The following STRN3 variants were observed in gnomAD, a reference collection of about 807,000 sequenced individuals.
The protein encoded by STRN3 is striatin-3.
STRN3 carries 29 observed loss-of-function variants against 95.6 expected under a neutral mutation model. The ratio of observed to expected loss-of-function variants is 0.30; its 90% CI spans 0.23 to 0.41. STRN3 has a LOEUF of 0.41. STRN3 is among the 10% of genes least tolerant of loss of function. The pLI is 1.00. For missense variants in STRN3, 890 were observed against 972.1 expected, an observed-to-expected ratio of 0.92 and a Z score of 1.12; for synonymous variants, 331 against 357.6, an observed-to-expected ratio of 0.93 and a Z score of 0.84.
intron 2 of STRN3, 36 bp downstream of exon 2, chr14:30,956,103 C>T (rs755360434): frequency 3.2e-6 from 5 of 1,563,470 alleles, no homozygotes; most frequent in South Asian, 1.1e-5. Flanking sequence ...TACTATTGTT[C>T]TACTTTATTC....
At chr14:31,001,539 C>G (rs1191152569) in intron 1 of STRN3, among the ~76,000 whole-genome samples, 1 of 149,650 alleles carries the variant, frequency 6.7e-6, no homozygotes, top group East Asian at 2.0e-4. Flanking sequence ...GAGACCCCAC[C>G]TAAAAAAAAA....
intron 5 of STRN3, among the ~76,000 whole-genome samples, chr14:30,940,591 T>TTTTA (rs1879045640): frequency 1.3e-5 from 2 of 152,226 alleles, no homozygotes; most frequent in African/African-American, 4.8e-5. Flanking sequence ...TAGAATTTCC[T>TTTTA]CTTAATTTTT....
intron 1 of STRN3, among the ~76,000 whole-genome samples, chr14:31,012,701 G>A (rs1405579768): frequency 1.3e-5 from 2 of 152,128 alleles, no homozygotes; most frequent in Non-Finnish European, 2.9e-5. Context: ...AGACCAGCCT[G>A]AGCAACATGG....
chr14:30,947,108 T>C lies in STRN3; in HGVS notation c.698A>G (p.Lys233Arg). The change falls in exon 5 of 18, where the codon AAG becomes AGG. Residue 233 changes from lysine to arginine, a missense_variant. Lys to Arg is a conservative substitution (Grantham distance 26). This residue lies in a region of STRN3 where 526 missense variants were observed against 526.3 expected (regional missense o/e 1.00). Transcript: ENST00000357479. ...ATCATACCTTTTTATTTCTTGTCCC[T>C]TTTGCTTAGGAGATTCACCTCCATT... Reference protein sequence around the residue: ...ILNGGESPKQKGQEIKRSSGD... With the variant: ...ILNGGESPKQRGQEIKRSSGD... The C allele has an allele frequency of 1.9e-6, 3 of 1,597,684 alleles. No homozygotes were observed. The highest frequency in any genetic ancestry group is 1.8e-5 in the Admixed American group (1 of 55,836).
At chr14:30,976,318 A>G (rs1335762771) in intron 1 of STRN3, among the ~76,000 whole-genome samples, 1 of 152,218 alleles carries the variant, frequency 6.6e-6, no homozygotes, top group African/African-American at 2.4e-5. Flanking sequence ...ATCCAGGATA[A>G]AGAGGGATAT....
chr14:31,013,586 A>G (rs1381650002), intron 1 of STRN3, among the ~76,000 whole-genome samples: 2 of 151,962 alleles, frequency 1.3e-5, no homozygotes, highest in African/African-American at 2.4e-5. Context: ...TTTGAACCAC[A>G]TATTACTTAT....
At chr14:31,002,058 C>CA (rs1882477879) in intron 1 of STRN3, among the ~76,000 whole-genome samples, 1 of 149,508 alleles carries the variant, frequency 6.7e-6, no homozygotes, top group Admixed American at 6.8e-5. Context: ...CCTAGCTACT[C>CA]GGGAGGCTGA....
At chr14:30,900,128 T>G (rs934336276) in intron 16 of STRN3, among the ~76,000 whole-genome samples, 1 of 151,864 alleles carries the variant, frequency 6.6e-6, no homozygotes, top group African/African-American at 2.4e-5. Context: ...GAGGCCAAGG[T>G]GGGCGGATCA....
At chr14:30,936,923 A>C (rs1878851009) in intron 5 of STRN3, among the ~76,000 whole-genome samples, 1 of 152,238 alleles carries the variant, frequency 6.6e-6, no homozygotes, top group African/African-American at 2.4e-5. Flanking sequence ...AGTTCTCAAA[A>C]TAAAACCATC....
chr14:31,026,308 C>A lies in STRN3; in HGVS notation c.-123G>T. 1 of 1,085,834 alleles carries A rather than the reference C, an allele frequency of 9.2e-7. No individual in the cohort carries two copies. The highest frequency in any genetic ancestry group is 1.2e-6 in the Non-Finnish European group (1 of 828,052). 67.3% of individuals were successfully genotyped at this position (1,085,834 alleles called of 1,614,324 possible). A position where few individuals can be genotyped will look rare whatever the true frequency, so the allele number is the denominator to read the frequency against. On this transcript the variant is annotated 5_prime_UTR_variant, in exon 1 of 18. Transcript: ENST00000357479. ...GCCGGGAGAGGGGCGGGGAAGGGGT[C>A]GTTGCTGTGTGCCTGCCGTGGGTCA...
intron 16 of STRN3, among the ~76,000 whole-genome samples, chr14:30,898,754 A>T (rs567883709): frequency 3.9e-5 from 6 of 152,094 alleles, no homozygotes; most frequent in Admixed American, 3.3e-4. Flanking sequence ...ACTAATCCTA[A>T]TTTTTTCCTC....
At chr14:31,005,260 A>G (rs544153083) in intron 1 of STRN3, among the ~76,000 whole-genome samples, 3 of 152,274 alleles carry the variant, frequency 2.0e-5, no homozygotes, top group Admixed American at 2.0e-4. Flanking sequence ...TGAACCCAGG[A>G]GTCGGAAGTT....
At chr14:30,910,358 T>A (rs1896575666) in intron 13 of STRN3, among the ~76,000 whole-genome samples, 1 of 152,244 alleles carries the variant, frequency 6.6e-6, no homozygotes. Context: ...AGTCTAAATC[T>A]TATTTCTTGA....
At chr14:30,907,139 G>C in intron 13 of STRN3, 95 bp from the exon 14 acceptor site, 1 of 1,392,022 alleles carries the variant, frequency 7.2e-7, no homozygotes, top group Non-Finnish European at 9.7e-7. Flanking sequence ...TGAGCATAAA[G>C]AACACACATA....
intron 9 of STRN3, among the ~76,000 whole-genome samples, chr14:30,917,907 C>T (rs143284779): frequency 8.5e-5 from 13 of 152,052 alleles, no homozygotes; most frequent in African/African-American, 2.4e-4. Flanking sequence ...AATACATATG[C>T]CAAATTACTG....
Position 31,025,931 on chromosome 14 carries a change from G to T in STRN3, c.255C>A (p.His85Gln), listed in dbSNP as rs779726846. The T allele has an allele frequency of 6.2e-7, 1 of 1,601,112 alleles. No individual in the cohort carries two copies. Among genetic ancestry groups the T allele is most frequent in the South Asian group, 1.1e-5 (1 of 89,306 alleles). The change falls in exon 1 of 18, where the codon CAC becomes CAA. Residue 85 changes from histidine (H) to glutamine (Q), a missense_variant. His to Gln is a conservative substitution (Grantham distance 24). This residue lies in a region of STRN3 where 526 missense variants were observed against 526.3 expected (regional missense o/e 1.00). Transcript: ENST00000357479. ...GCAGTTCGGCCCGTTCCACCTCCCA[G>T]TGCGCCCGCTCCATCTCGAACCGAG... ...EWARFEMERA[H>Q]WEVERAELQA...
At chr14:30,949,485 C>T (rs1340787035) in intron 4 of STRN3, among the ~76,000 whole-genome samples, 3 of 152,086 alleles carry the variant, frequency 2.0e-5, no homozygotes, top group Non-Finnish European at 2.9e-5. Flanking sequence ...GTGGCATGCA[C>T]CTGTAGTCCC....
At chr14:31,014,775 CTTT>C (rs772182416) in intron 1 of STRN3, 1 of 432,076 alleles carries the variant, frequency 2.3e-6, no homozygotes, top group Non-Finnish European at 4.6e-6. Context: ...CTTTTTTAAC[CTTT>C]TTTTCTTTTT....
chr14:31,026,324 C>T lies in STRN3; in HGVS notation c.-139G>A, dbSNP rs1883929884. 2.1e-6 allele frequency: 2 copies of T among 938,002 alleles called. No individual in the cohort carries two copies. The highest frequency in any genetic ancestry group is 2.9e-6 in the Non-Finnish European group (2 of 691,520). The allele number at this position is 938,002 out of a possible 1,614,324, so 58.1% of individuals were successfully genotyped here. A position where few individuals can be genotyped will look rare whatever the true frequency, so the allele number is the denominator to read the frequency against. On this transcript the variant is annotated 5_prime_UTR_variant, in exon 1 of 18. Transcript: ENST00000357479. ...GGAAGGGGTCGTTGCTGTGTGCCTG[C>T]CGTGGGTCAGAGCAGGGAGCTGCCG...
Sources: gnomAD v4.1 joint callset for allele counts (sites outside exome capture counted in the v4.1 genomes callset) on GRCh38, gnomAD v4.1.1 for gene constraint, gnomAD v4.1.1 regional missense constraint, MANE v1.5 for transcripts, NCBI Gene and HGNC (gene_info 2026-07-23, HGNC 2026-07-21) for gene names.